The following DDX10 variants were observed in gnomAD, a reference collection of about 807,000 sequenced individuals.
The protein encoded by DDX10 is DEAD-box helicase 10.
Under a neutral mutation model 104.3 loss-of-function variants are expected in DDX10, and 74 were observed. That is an observed-to-expected ratio of 0.71 (90% CI 0.59 to 0.86). The LOEUF (loss-of-function observed/expected upper bound fraction) is 0.86, where lower values mean the gene tolerates loss of function less well. Among genes scored for constraint, DDX10 ranks in the 40% least tolerant of loss-of-function variants. The pLI, the probability that DDX10 is intolerant of heterozygous loss-of-function variation, is 0.00. For missense variants in DDX10, 952 were observed against 1,040.0 expected (o/e 0.92, Z 1.16); for synonymous variants, 351 against 353.4 (o/e 0.99, Z 0.08).
intron 16 of DDX10, among the ~76,000 whole-genome samples, chr11:108,906,327 G>C (rs970545353): frequency 1.1e-4 from 17 of 152,134 alleles, no homozygotes; most frequent in African/African-American, 3.6e-4. Context: ...TCACATTTCT[G>C]CTTATGTTAG....
intron 13 of DDX10, among the ~76,000 whole-genome samples, chr11:108,837,101 G>A (rs1033100866): frequency 6.6e-6 from 1 of 152,114 alleles, no homozygotes; most frequent in African/African-American, 2.4e-5. Flanking sequence ...TATAAAAGTG[G>A]TATTTGAGAT....
chr11:108,773,640 A>G (rs778243267), intron 13 of DDX10, among the ~76,000 whole-genome samples: 1 of 152,012 alleles, frequency 6.6e-6, no homozygotes, highest in Non-Finnish European at 1.5e-5. Flanking sequence ...TGATTCTATC[A>G]TTGCACAACT....
At chr11:108,896,339 A>G (rs1158684431) in intron 16 of DDX10, among the ~76,000 whole-genome samples, 1 of 133,930 alleles carries the variant, frequency 7.5e-6, no homozygotes, top group Non-Finnish European at 1.6e-5. Context: ...TTTTTAAAGC[A>G]TTAGTCCTTC....
At chr11:108,932,461 A>T (rs1863986908) in intron 17 of DDX10, among the ~76,000 whole-genome samples, 1 of 151,952 alleles carries the variant, frequency 6.6e-6, no homozygotes, top group African/African-American at 2.4e-5. Context: ...CTCTAAAAAG[A>T]AATAATAATA....
At chr11:108,696,441 T>G (rs1456258665) in intron 9 of DDX10, among the ~76,000 whole-genome samples, 1 of 152,084 alleles carries the variant, frequency 6.6e-6, no homozygotes. Context: ...CCTCCCAAAG[T>G]GTTGGGATTA....
At chr11:108,765,778 C>G (rs1166736033) in intron 13 of DDX10, among the ~76,000 whole-genome samples, 38 of 152,184 alleles carry the variant, frequency 2.5e-4, no homozygotes, top group Admixed American at 2.4e-3. Flanking sequence ...ATTCAACAAT[C>G]ATTTAGTTCC....
intron 13 of DDX10, among the ~76,000 whole-genome samples, chr11:108,785,815 TTTG>T (rs1472389458): frequency 1.3e-5 from 2 of 152,208 alleles, no homozygotes; most frequent in Non-Finnish European, 2.9e-5. Context: ...TCTTCTGTTT[TTTG>T]TTGTTGTTAA....
At chr11:108,821,204 G>A (rs893761995) in intron 13 of DDX10, among the ~76,000 whole-genome samples, 3 of 152,190 alleles carry the variant, frequency 2.0e-5, no homozygotes, top group Non-Finnish European at 4.4e-5. Flanking sequence ...AAGGTGATAA[G>A]TCTCAAGTAT....
At chr11:108,847,831 T>C (rs1862739538) in intron 15 of DDX10, among the ~76,000 whole-genome samples, 1 of 152,224 alleles carries the variant, frequency 6.6e-6, no homozygotes, top group Non-Finnish European at 1.5e-5. Flanking sequence ...ATCAGTGAGC[T>C]AGCATCATTT....
intron 13 of DDX10, among the ~76,000 whole-genome samples, chr11:108,740,199 T>C (rs1320579182): frequency 6.6e-6 from 1 of 152,146 alleles, no homozygotes; most frequent in Non-Finnish European, 1.5e-5. Flanking sequence ...ATGTACTCAA[T>C]GTTTAACTTG....
chr11:108,771,292 A>G (rs1591813946), intron 13 of DDX10, among the ~76,000 whole-genome samples: 1 of 151,562 alleles, frequency 6.6e-6, no homozygotes, highest in East Asian at 1.9e-4. Flanking sequence ...ATTTTCTCTC[A>G]TTCTGTGGGG....
intron 16 of DDX10, among the ~76,000 whole-genome samples, chr11:108,901,808 C>G (rs1250659934): frequency 2.0e-5 from 3 of 152,002 alleles, no homozygotes; most frequent in African/African-American, 7.3e-5. Flanking sequence ...TACCACCTAT[C>G]TAGGGATTTT....
At chr11:108,781,723 A>G (rs1472297845) in intron 13 of DDX10, among the ~76,000 whole-genome samples, 1 of 152,204 alleles carries the variant, frequency 6.6e-6, no homozygotes, top group African/African-American at 2.4e-5. Context: ...TGTAAACCAA[A>G]GAATCGCCCT....
In DDX10 at chr11:108,715,975, T is replaced by G; in HGVS notation, c.1410+9T>G. The stretch of plus-strand genomic sequence containing the variant: ...AAGAAAGAGCTCAAAGGGTAAGTCA[T>G]TTTTCAGTTGGATACTTTCATTGAC... On this transcript the variant is annotated intron_variant, in intron 11 of 17. Coordinates refer to ENST00000322536, the MANE Select transcript of DDX10 (RefSeq NM_004398.4). The G allele has an allele frequency of 7.1e-7, 1 of 1,404,452 alleles. No homozygotes were observed. Among genetic ancestry groups the G allele is most frequent in the Non-Finnish European group, 1.0e-6 (1 of 996,418 alleles). 87.0% of individuals were successfully genotyped at this position (1,404,452 alleles called of 1,614,324 possible).
intron 16 of DDX10, among the ~76,000 whole-genome samples, chr11:108,898,019 G>C (rs768247459): frequency 6.6e-6 from 1 of 152,102 alleles, no homozygotes; most frequent in Non-Finnish European, 1.5e-5. Context: ...TAGTTCCCAT[G>C]ATCCTCCAAA....
chr11:108,807,008 T>G (rs529863595), intron 13 of DDX10, among the ~76,000 whole-genome samples: 35 of 152,360 alleles, frequency 2.3e-4, no homozygotes, highest in African/African-American at 7.9e-4. Context: ...GATCTTGGTC[T>G]GTTTACCCTG....
At chr11:108,866,305 G>A (rs1274443458) in intron 16 of DDX10, among the ~76,000 whole-genome samples, 1 of 152,126 alleles carries the variant, frequency 6.6e-6, no homozygotes, top group African/African-American at 2.4e-5. Context: ...GGACAGGAGT[G>A]CCAAATGCCA....
At chr11:108,870,377 AC>A (rs1313761109) in intron 16 of DDX10, among the ~76,000 whole-genome samples, 1 of 151,986 alleles carries the variant, frequency 6.6e-6, no homozygotes, top group African/African-American at 2.4e-5. Flanking sequence ...TTCTGTTCAG[AC>A]CCCCATCCTT....
At chr11:108,846,994 G>A (rs533332989) in intron 15 of DDX10, among the ~76,000 whole-genome samples, 11 of 152,284 alleles carry the variant, frequency 7.2e-5, no homozygotes, top group African/African-American at 2.4e-4. Flanking sequence ...ATGAGTTGTC[G>A]TTGTAGCCTT....
Sources: allele counts gnomAD v4.1 joint callset (sites outside exome capture counted in the v4.1 genomes callset), GRCh38; gene constraint gnomAD v4.1.1; transcripts MANE v1.5; gene names NCBI Gene and HGNC (gene_info 2026-07-23, HGNC 2026-07-21).